Variants in MAGI2 observed in about 807,000 individuals in gnomAD.
MAGI2 encodes the protein membrane-associated guanylate kinase, WW and PDZ domain-containing protein 2.
In MAGI2, 35 loss-of-function variants were observed where a neutral mutation model predicts 133.3. The ratio of observed to expected loss-of-function variants is 0.26; its 90% CI spans 0.20 to 0.35. The LOEUF is 0.35. Ranked by LOEUF, MAGI2 falls within the 10% of genes least tolerant of loss-of-function variation. The pLI is 1.00. For missense variants in MAGI2, 1,636 were observed against 1,863.4 expected, an observed-to-expected ratio of 0.88 and a Z score of 2.25; for synonymous variants, 729 against 710.6, an observed-to-expected ratio of 1.03 and a Z score of -0.41.
Position 78,976,459 on chromosome 7 carries a change from G to GTAAA in MAGI2, c.418+30627_418+30630dup, listed in dbSNP as rs140485157. ...CAGAACATCCACAAAAAATAAATAA[G>GTAAA]TAAATAAATAAATAAATAAATAAAT... On this transcript the variant is annotated intron_variant, in intron 2 of 21. Transcript: ENST00000354212. 3.1e-3 allele frequency among the ~76,000 whole-genome samples: 473 copies of GTAAA among 150,768 alleles called. 3 individuals carry two copies. Among genetic ancestry groups the GTAAA allele is most frequent in the Middle Eastern group, 0.01 (3 of 294 alleles).
rs138591179 is a variant in MAGI2, at chr7:78,927,219, C to T, written c.418+79871G>A. Among the ~76,000 whole-genome samples the T allele has an allele frequency of 8.2e-4, 125 of 152,052 alleles. 1 individual carries two copies. The East Asian group carries it at 0.02, about 24-fold the overall frequency. On this transcript the variant is annotated intron_variant, in intron 2 of 21. Coordinates refer to ENST00000354212, the MANE Select transcript of MAGI2 (RefSeq NM_012301.4). ...AATAGCTATGTAGCCTTAGTTGGGC[C>T]ACTTAAATTCTCTAGATCTCAGTTT...
Position 78,343,945 on chromosome 7 carries a change from G to T in MAGI2, c.1241C>A (p.Thr414Asn). The part of the protein sequence containing the change: ...APGFREKPLF[T>N]RDASQLKGTF... The stretch of plus-strand genomic sequence containing the variant: ...TCCCTTCAACTGGGATGCATCCCGG[G>T]TGAAGAGTGGTTTTTCTACATTGGC... Residue 414 changes from threonine to asparagine, a missense_variant, in exon 9 of 22, where the codon ACC becomes AAC. Around this residue, in one of 5 missense-constraint regions of MAGI2, gnomAD observed 920 missense variants for 1,093.5 expected, o/e 0.84. Coordinates refer to ENST00000354212, the MANE Select transcript of MAGI2 (RefSeq NM_012301.4). The T allele has an allele frequency of 1.2e-6, 2 of 1,608,124 alleles. No homozygotes were observed. Among genetic ancestry groups the T allele is most frequent in the Non-Finnish European group, 1.7e-6 (2 of 1,178,240 alleles).
At chr7:78,517,228 T>C (rs1041251112) in intron 4 of MAGI2, among the ~76,000 whole-genome samples, 26 of 151,450 alleles carry the variant, frequency 1.7e-4, no homozygotes, top group African/African-American at 6.0e-4. Flanking sequence ...AAAAACAATC[T>C]GTAAGATGAT....
intron 11 of MAGI2, among the ~76,000 whole-genome samples, chr7:78,198,997 T>C (rs1202201957): frequency 6.6e-6 from 1 of 152,158 alleles, no homozygotes; most frequent in Non-Finnish European, 1.5e-5. Flanking sequence ...AGTCAGGAGG[T>C]AACACAGGAC....
chr7:78,988,340 C>A (rs116512496), intron 2 of MAGI2, among the ~76,000 whole-genome samples: 2,261 of 152,010 alleles, frequency 0.015, 47 homozygotes, highest in African/African-American at 0.052. Flanking sequence ...TAAACCCAAC[C>A]CAAACCATAA....
intron 3 of MAGI2, among the ~76,000 whole-genome samples, chr7:78,551,409 CTT>C (rs1463534292): frequency 6.6e-6 from 1 of 152,188 alleles, no homozygotes; most frequent in Non-Finnish European, 1.5e-5. Context: ...TTCTGAGTCT[CTT>C]CCACAAGATT....
At chr7:79,150,095 T>C (rs367963778) in intron 1 of MAGI2, among the ~76,000 whole-genome samples, 40 of 152,200 alleles carry the variant, frequency 2.6e-4, no homozygotes, top group African/African-American at 8.7e-4. Context: ...GAAAGTCAGC[T>C]GGCAGGAGGA....
chr7:78,723,923 T>C (rs190271042), intron 2 of MAGI2, among the ~76,000 whole-genome samples: 16 of 151,994 alleles, frequency 1.1e-4, no homozygotes, highest in Non-Finnish European at 1.9e-4. Flanking sequence ...GGGAATAACA[T>C]TGAGGAGTGT....
rs576237550 is a variant in MAGI2, at chr7:78,951,157, G to A, written c.418+55933C>T. 2.6e-5 allele frequency among the ~76,000 whole-genome samples: 4 copies of A among 151,944 alleles called. No individual in the cohort carries two copies. The South Asian group carries it at 8.3e-4, about 32-fold the overall frequency. ...TGGCTAATTTTTTGTATTTTTAGTA[G>A]GGATGGGGTTTCACCATGTTGGCTA... On this transcript the variant is annotated intron_variant, in intron 2 of 21. Transcript: ENST00000354212.
In MAGI2 at chr7:79,222,963, C is replaced by A. The variant is rs561268197; in HGVS notation, c.302-215757G>T. ...GCAGTGGCGCTGTCTCGGCTCACTG[C>A]AAGCTCCGCCTCCCGGGTTCACGCC... On this transcript the variant is annotated intron_variant, in intron 1 of 21. Transcript: ENST00000354212. Among the ~76,000 whole-genome samples, 65 of 152,178 alleles carry A rather than the reference C, an allele frequency of 4.3e-4. 2 individuals carry two copies. The highest frequency in any genetic ancestry group is 1.5e-3 in the African/African-American group (64 of 41,454).
At chr7:78,111,703 T>A (rs969340214) in intron 20 of MAGI2, among the ~76,000 whole-genome samples, 2 of 152,264 alleles carry the variant, frequency 1.3e-5, no homozygotes, top group Non-Finnish European at 2.9e-5. Context: ...AGGCTTTTCT[T>A]TTCCTTCGTA....
intron 6 of MAGI2, among the ~76,000 whole-genome samples, chr7:78,467,875 A>G (rs966766220): frequency 2.6e-5 from 4 of 152,146 alleles, no homozygotes; most frequent in Non-Finnish European, 4.4e-5. Context: ...AAAGGTCTAT[A>G]TAAATTGTCA....
intron 3 of MAGI2, among the ~76,000 whole-genome samples, chr7:78,611,243 C>T (rs11763725): frequency 0.04 from 6,074 of 152,228 alleles, 184 homozygotes; most frequent in Non-Finnish European, 0.062. Context: ...ATTTCATTGG[C>T]CCTGGCTATG....
intron 1 of MAGI2, among the ~76,000 whole-genome samples, chr7:79,235,873 T>C (rs1190367650): frequency 6.6e-6 from 1 of 152,244 alleles, no homozygotes; most frequent in Non-Finnish European, 1.5e-5. Context: ...GAACTTTGTT[T>C]GCTTTGTATT....
intron 2 of MAGI2, among the ~76,000 whole-genome samples, chr7:78,793,328 T>C (rs1165277611): frequency 6.6e-6 from 1 of 152,212 alleles, no homozygotes; most frequent in Non-Finnish European, 1.5e-5. Flanking sequence ...TGGCAATATC[T>C]AGAAACATTT....
At chr7:79,301,461 C>A (rs555889372) in intron 1 of MAGI2, among the ~76,000 whole-genome samples, 4 of 152,198 alleles carry the variant, frequency 2.6e-5, no homozygotes, top group Admixed American at 2.6e-4. Context: ...TTGTGTGAGG[C>A]CTGCAGCCCT....
chr7:78,652,583 A>C (rs1199397274), intron 2 of MAGI2, among the ~76,000 whole-genome samples: 1 of 152,044 alleles, frequency 6.6e-6, no homozygotes, highest in Non-Finnish European at 1.5e-5. Flanking sequence ...CAGAAAACTG[A>C]AACTAGACTC....
At chr7:78,431,450 G>A (rs907776809) in intron 6 of MAGI2, among the ~76,000 whole-genome samples, 1 of 152,058 alleles carries the variant, frequency 6.6e-6, no homozygotes, top group East Asian at 1.9e-4. Flanking sequence ...AAGGCTAAAG[G>A]AAAGCAGTTC....
intron 1 of MAGI2, among the ~76,000 whole-genome samples, chr7:79,161,131 G>C (rs1824310816): frequency 1.3e-5 from 2 of 151,906 alleles, no homozygotes; most frequent in African/African-American, 4.8e-5. Flanking sequence ...TTTACATAAG[G>C]TAGTTGTAAC....
Sources: gnomAD v4.1 joint callset for allele counts (sites outside exome capture counted in the v4.1 genomes callset) on GRCh38, gnomAD v4.1.1 for gene constraint, gnomAD v4.1.1 regional missense constraint, MANE v1.5 for transcripts, NCBI Gene and HGNC (gene_info 2026-07-23, HGNC 2026-07-21) for gene names.